SNX7: variants seen among roughly 807,000 people sequenced by gnomAD.
SNX7 encodes the protein sorting nexin-7.
In SNX7, 35 loss-of-function variants were observed where a neutral mutation model predicts 48.4. The observed-to-expected ratio is 0.72, with a 90% CI of 0.55 to 0.96. The LOEUF is 0.96. Ranked by LOEUF, SNX7 falls within the 40% of genes least tolerant of loss-of-function variation. The pLI, the probability that SNX7 is intolerant of heterozygous loss-of-function variation, is 0.00. For synonymous variants in SNX7, 190 were observed against 190.2 expected (o/e 1.00, Z 0.01); for missense variants, 553 against 548.9 (o/e 1.01, Z -0.07).
intron 1 of SNX7, among the ~76,000 whole-genome samples, chr1:98,682,731 G>A (rs1356214229): frequency 2.0e-5 from 3 of 152,108 alleles, no homozygotes; most frequent in African/African-American, 7.2e-5. Context: ...GTTATGAAAT[G>A]TCATGGTGAT....
intron 5 of SNX7, among the ~76,000 whole-genome samples, chr1:98,697,106 A>G (rs1010127029): frequency 2.0e-5 from 3 of 152,060 alleles, no homozygotes; most frequent in African/African-American, 7.2e-5. Flanking sequence ...AAAATGAGAA[A>G]TTTGAGATTT....
At chr1:98,753,078 C>T (rs1400279830) in intron 8 of SNX7, among the ~76,000 whole-genome samples, 1 of 152,034 alleles carries the variant, frequency 6.6e-6, no homozygotes, top group Admixed American at 6.6e-5. Flanking sequence ...TGAGCCTCAG[C>T]TTTCTCACCT....
chr1:98,731,151 C>CT (rs368167768), intron 7 of SNX7, among the ~76,000 whole-genome samples: 1,800 of 143,596 alleles, frequency 0.013, 37 homozygotes, highest in African/African-American at 0.037. Context: ...GTATTCCTGC[C>CT]TTTTTTTTTT....
chr1:98,737,430 G>A lies in SNX7; in HGVS notation c.1126-807G>A, dbSNP rs1280901924. Among the ~76,000 whole-genome samples the A allele has an allele frequency of 2.0e-5, 3 of 152,086 alleles. 1 individual carries two copies. Among genetic ancestry groups the A allele is most frequent in the Admixed American group, 2.0e-4 (3 of 15,262 alleles). The stretch of plus-strand genomic sequence containing the variant: ...TACAGTATAAGCTGTGGTAAAAACA[G>A]GGATTTTTGTGTATTTTCTTCACTA... On this transcript the variant is annotated intron_variant, in intron 7 of 8. Transcript: ENST00000306121.
intron 4 of SNX7, among the ~76,000 whole-genome samples, chr1:98,693,271 T>C (rs1651248813): frequency 6.6e-6 from 1 of 152,224 alleles, no homozygotes; most frequent in Non-Finnish European, 1.5e-5. Context: ...GTCTAATTTC[T>C]AATACAGAAA....
intron 7 of SNX7, among the ~76,000 whole-genome samples, chr1:98,711,074 TG>T (rs1652276303): frequency 6.6e-6 from 1 of 152,200 alleles, no homozygotes. Flanking sequence ...TGGAGGGCAA[TG>T]GCACGATCTT....
chr1:98,669,977 CATAA>C lies in SNX7; in HGVS notation c.180+8069_180+8072del, dbSNP rs1266159507. On this transcript the variant is annotated intron_variant, in intron 1 of 8. Transcript: ENST00000306121. Reference sequence around the variant, plus strand: ...AGGAACTCTATTTACAGAATAAATACATAAATGAATGACGTAGCCTCTGACTTTT... The same window carrying C: ...AGGAACTCTATTTACAGAATAAATACATGAATGACGTAGCCTCTGACTTTT... 6.6e-5 allele frequency among the ~76,000 whole-genome samples: 10 copies of C among 152,302 alleles called. 1 individual carries two copies. Among genetic ancestry groups the C allele is most frequent in the African/African-American group, 2.4e-4 (10 of 41,564 alleles).
At chr1:98,685,987 C>T (rs1650774015) in intron 2 of SNX7, among the ~76,000 whole-genome samples, 1 of 152,132 alleles carries the variant, frequency 6.6e-6, no homozygotes, top group African/African-American at 2.4e-5. Flanking sequence ...TTATTTGTTA[C>T]ACCTCACATT....
chr1:98,674,442 C>T (rs9701327), intron 1 of SNX7, among the ~76,000 whole-genome samples: 131,357 of 151,804 alleles, frequency 0.87, 57,523 homozygotes, highest in South Asian at 0.95. Context: ...CTCCACACAT[C>T]CTATTCCCTC....
At chr1:98,672,952 AG>A (rs1649961991) in intron 1 of SNX7, among the ~76,000 whole-genome samples, 3 of 149,284 alleles carry the variant, frequency 2.0e-5, no homozygotes, top group Non-Finnish European at 4.5e-5. Context: ...AAAAAAAAAA[AG>A]AAATTATTCA....
intron 1 of SNX7, among the ~76,000 whole-genome samples, chr1:98,665,468 C>T (rs564651557): frequency 6.6e-6 from 1 of 151,980 alleles, no homozygotes; most frequent in Non-Finnish European, 1.5e-5. Context: ...ATAGAAGCTA[C>T]AAGTTTTATA....
intron 1 of SNX7, among the ~76,000 whole-genome samples, chr1:98,675,304 G>A (rs1429549460): frequency 2.0e-5 from 3 of 152,046 alleles, no homozygotes; most frequent in African/African-American, 7.2e-5. Flanking sequence ...TTATTGAAGT[G>A]AATATAAAAC....
Position 98,661,778 on chromosome 1 carries a change from C to T in SNX7, c.47C>T (p.Pro16Leu), listed in dbSNP as rs1431766475. The change falls in exon 1 of 9, where the codon CCG becomes CTG. Residue 16 changes from proline to leucine, a missense_variant. Transcript: ENST00000306121. ...TCGCAGGCGCCCTCCTCGGGCCTCC[C>T]GGCCGGGGGCGCCAACGGGGAGAGC... ...RASQAPSSGL[P>L]AGGANGESPG... 2.4e-6 allele frequency: 3 copies of T among 1,242,520 alleles called. No homozygotes were observed. The highest frequency in any genetic ancestry group is 6.3e-5 in the East Asian group (2 of 31,580). The allele number at this position is 1,242,520 out of a possible 1,614,324, so 77.0% of individuals were successfully genotyped here. A position where few individuals can be genotyped will look rare whatever the true frequency, so the allele number is the denominator to read the frequency against.
intron 1 of SNX7, among the ~76,000 whole-genome samples, chr1:98,674,786 T>C (rs1650067152): frequency 6.6e-6 from 1 of 152,232 alleles, no homozygotes; most frequent in Non-Finnish European, 1.5e-5. Flanking sequence ...GTGGTTTTTC[T>C]GACAGTGGAT....
chr1:98,717,122 G>T (rs977125510), intron 7 of SNX7, among the ~76,000 whole-genome samples: 1 of 151,594 alleles, frequency 6.6e-6, no homozygotes, highest in East Asian at 1.9e-4. Context: ...TTTCTTTCAA[G>T]GAATTATTAT....
chr1:98,682,499 A>G (rs1650557087), intron 1 of SNX7, among the ~76,000 whole-genome samples: 1 of 152,180 alleles, frequency 6.6e-6, no homozygotes, highest in African/African-American at 2.4e-5. Context: ...TATTTCTGAA[A>G]TGGCTTAATT....
At chr1:98,670,077 A>G (rs986928040) in intron 1 of SNX7, among the ~76,000 whole-genome samples, 3 of 152,202 alleles carry the variant, frequency 2.0e-5, no homozygotes, top group Non-Finnish European at 2.9e-5. Context: ...AGTTTGTATC[A>G]TACTGGTCTT....
At chr1:98,697,079 C>T (rs1402614328) in intron 5 of SNX7, among the ~76,000 whole-genome samples, 1 of 152,006 alleles carries the variant, frequency 6.6e-6, no homozygotes, top group African/African-American at 2.4e-5. Flanking sequence ...TAATGACTGA[C>T]ATTGACATAT....
chr1:98,700,331 A>G (rs947118662), intron 6 of SNX7, among the ~76,000 whole-genome samples: 1 of 152,170 alleles, frequency 6.6e-6, no homozygotes. Flanking sequence ...CTCAAAATGT[A>G]TTTGTGCATA....
Sources: allele counts gnomAD v4.1 joint callset (sites outside exome capture counted in the v4.1 genomes callset), GRCh38; gene constraint gnomAD v4.1.1; transcripts MANE v1.5; gene names NCBI Gene and HGNC (gene_info 2026-07-23, HGNC 2026-07-21).